MAGI2: variants seen among roughly 807,000 people sequenced by gnomAD.
MAGI2 encodes the protein membrane-associated guanylate kinase, WW and PDZ domain-containing protein 2.
MAGI2 carries 35 observed loss-of-function variants against 133.3 expected under a neutral mutation model. That is an observed-to-expected ratio of 0.26 (90% CI 0.20 to 0.35). The LOEUF (loss-of-function observed/expected upper bound fraction) is 0.35. Among genes scored for constraint, MAGI2 ranks in the 10% least tolerant of loss-of-function variants. The pLI is 1.00. For missense variants in MAGI2, 1,636 were observed against 1,863.4 expected, an observed-to-expected ratio of 0.88 and a Z score of 2.25; for synonymous variants, 729 against 710.6, an observed-to-expected ratio of 1.03 and a Z score of -0.41.
intron 9 of MAGI2, among the ~76,000 whole-genome samples, chr7:78,293,960 G>A (rs1366219679): frequency 6.6e-6 from 1 of 152,072 alleles, no homozygotes; most frequent in African/African-American, 2.4e-5. Flanking sequence ...GATAGCATCA[G>A]GAGATACACT....
intron 3 of MAGI2, among the ~76,000 whole-genome samples, chr7:78,549,592 C>T (rs34209737): frequency 3.3e-5 from 5 of 152,038 alleles, no homozygotes; most frequent in African/African-American, 7.3e-5. Flanking sequence ...TTCTCAATAA[C>T]GAGTTAATAA....
intron 21 of MAGI2, among the ~76,000 whole-genome samples, chr7:78,073,775 G>A (rs1232406676): frequency 6.6e-6 from 1 of 152,142 alleles, no homozygotes; most frequent in East Asian, 1.9e-4. Context: ...ATTTATTCCT[G>A]TGCAGTTTTA....
At chr7:78,767,797 G>A (rs983879348) in intron 2 of MAGI2, among the ~76,000 whole-genome samples, 2 of 152,112 alleles carry the variant, frequency 1.3e-5, no homozygotes, top group Non-Finnish European at 2.9e-5. Context: ...ATTTATTCTT[G>A]GGAAATTTTG....
At chr7:78,915,571 A>G (rs942450218) in intron 2 of MAGI2, among the ~76,000 whole-genome samples, 1 of 152,044 alleles carries the variant, frequency 6.6e-6, no homozygotes, top group African/African-American at 2.4e-5. Flanking sequence ...TCAAATTCCT[A>G]TGAATTTATA....
At chr7:78,602,254 G>T in intron 3 of MAGI2, among the ~76,000 whole-genome samples, 1 of 152,032 alleles carries the variant, frequency 6.6e-6, no homozygotes, top group East Asian at 1.9e-4. Context: ...CTGCCTCCCG[G>T]GTTCAAGCGA....
rs766679351 is a variant in MAGI2 at position 78,194,982 on chromosome 7, G to A, written c.2161C>T (p.Pro721Ser). The change falls in exon 12 of 22, where the codon CCT becomes TCT. Residue 721 changes from proline (P) to serine (S), a missense_variant. Pro to Ser is a moderately conservative substitution (Grantham distance 74). Coordinates refer to ENST00000354212, the MANE Select transcript of MAGI2 (RefSeq NM_012301.4). ...GGAAAGGAGCTCCTGTGAAGGGCAG[G>A]TGGGAAGGGCAGGTTCTGCGGTATG... Reference protein sequence around the residue: ...PAIPQNLPFPPALHRSSFPDS... With the variant: ...PAIPQNLPFPSALHRSSFPDS... 1 of 1,614,152 alleles carries A rather than the reference G, an allele frequency of 6.2e-7. No individual in the cohort carries two copies. The highest frequency in any genetic ancestry group is 8.5e-7 in the Non-Finnish European group (1 of 1,179,990).
intron 3 of MAGI2, among the ~76,000 whole-genome samples, chr7:78,569,012 G>T (rs1801231930): frequency 6.6e-6 from 1 of 151,636 alleles, no homozygotes; most frequent in South Asian, 2.1e-4. Context: ...CACCTGCTTG[G>T]TCACTCCTTC....
At position 78,692,644 on chromosome 7, in the gene MAGI2, C is replaced by T. The variant is rs564494323; in HGVS notation, c.419-65405G>A. ...TTCCTCATAATACAAATCTAGCTTCCGAAAGCTCTGAAAATCATCATGTAT... is the reference window on the plus strand; with the variant it reads ...TTCCTCATAATACAAATCTAGCTTCTGAAAGCTCTGAAAATCATCATGTAT... On this transcript the variant is annotated intron_variant, in intron 2 of 21. Transcript: ENST00000354212. Among the ~76,000 whole-genome samples, 9 of 152,218 alleles carry T rather than the reference C, an allele frequency of 5.9e-5. No homozygotes were observed. In the South Asian group the frequency reaches 6.2e-4, roughly 11 times the overall value.
intron 10 of MAGI2, among the ~76,000 whole-genome samples, chr7:78,220,719 T>C (rs932975567): frequency 3.9e-5 from 6 of 152,168 alleles, no homozygotes; most frequent in Non-Finnish European, 8.8e-5. Flanking sequence ...GGAGCAAACA[T>C]TTGCCCAAAC....
intron 6 of MAGI2, among the ~76,000 whole-genome samples, chr7:78,423,805 A>C (rs1799024124): frequency 6.6e-6 from 1 of 152,072 alleles, no homozygotes; most frequent in East Asian, 1.9e-4. Flanking sequence ...AAGTTGAGAG[A>C]GATGATTTAG....
At chr7:78,599,557 T>C (rs1357657611) in intron 3 of MAGI2, among the ~76,000 whole-genome samples, 1 of 152,174 alleles carries the variant, frequency 6.6e-6, no homozygotes, top group Non-Finnish European at 1.5e-5. Flanking sequence ...AAGCCAGAAA[T>C]ACCGATTTCT....
At chr7:78,911,865 C>G (rs1274481071) in intron 2 of MAGI2, among the ~76,000 whole-genome samples, 2 of 151,838 alleles carry the variant, frequency 1.3e-5, no homozygotes, top group Non-Finnish European at 2.9e-5. Flanking sequence ...CCCTCCACTC[C>G]TAAATGCTCA....
intron 1 of MAGI2, among the ~76,000 whole-genome samples, chr7:79,132,254 A>AC (rs1821003642): frequency 6.6e-6 from 1 of 152,098 alleles, no homozygotes; most frequent in Non-Finnish European, 1.5e-5. Flanking sequence ...CCTAAGTAGT[A>AC]TACATTGTAC....
At chr7:78,619,657 C>T (rs756731588) in intron 3 of MAGI2, among the ~76,000 whole-genome samples, 28 of 151,860 alleles carry the variant, frequency 1.8e-4, no homozygotes, top group Admixed American at 3.9e-4. Flanking sequence ...AAACTGAAAG[C>T]GAATTGTACT....
intron 9 of MAGI2, among the ~76,000 whole-genome samples, chr7:78,280,123 A>G (rs908661321): frequency 1.3e-5 from 2 of 152,174 alleles, no homozygotes; most frequent in Admixed American, 1.3e-4. Context: ...GAGCAAGGTA[A>G]GCAGCGCTCA....
At chr7:78,841,705 T>C (rs1792159182) in intron 2 of MAGI2, among the ~76,000 whole-genome samples, 1 of 152,050 alleles carries the variant, frequency 6.6e-6, no homozygotes, top group Non-Finnish European at 1.5e-5. Flanking sequence ...TCATATTTTC[T>C]GCATATTCAC....
At chr7:78,468,267 G>A (rs1488375618) in intron 6 of MAGI2, among the ~76,000 whole-genome samples, 1 of 152,074 alleles carries the variant, frequency 6.6e-6, no homozygotes, top group East Asian at 1.9e-4. Context: ...GAGAAATAAT[G>A]GTTCCCTTGA....
intron 2 of MAGI2, among the ~76,000 whole-genome samples, chr7:78,852,613 ATTACT>A (rs1793240126): frequency 6.6e-6 from 1 of 152,166 alleles, no homozygotes; most frequent in Non-Finnish European, 1.5e-5. Context: ...TTGTCTTAAC[ATTACT>A]TAAGATTTTA....
intron 3 of MAGI2, among the ~76,000 whole-genome samples, chr7:78,594,634 T>G (rs1804404267): frequency 6.6e-6 from 1 of 152,090 alleles, no homozygotes; most frequent in Admixed American, 6.6e-5. Context: ...ATTTTTGTAT[T>G]TTTAGTAGAG....
Sources: allele counts gnomAD v4.1 joint callset (sites outside exome capture counted in the v4.1 genomes callset), GRCh38; gene constraint gnomAD v4.1.1; transcripts MANE v1.5; gene names NCBI Gene and HGNC (gene_info 2026-07-23, HGNC 2026-07-21).